The following CHST5 variants were observed in gnomAD, a reference collection of about 807,000 sequenced individuals.
The protein encoded by CHST5 is carbohydrate sulfotransferase 5, also known as GST4-alpha.
For synonymous variants in CHST5, 313 were observed against 279.2 expected, an observed-to-expected ratio of 1.12 and a Z score of -1.21; for missense variants, 637 against 602.1, an observed-to-expected ratio of 1.06 and a Z score of -0.61.
At position 75,528,590 on chromosome 16, in the gene CHST5, C is replaced by G. The variant is rs949522343; in HGVS notation, c.*559G>C. 6.6e-6 allele frequency: 1 copy of G among 152,260 alleles called. No individual in the cohort carries two copies. Among genetic ancestry groups the G allele is most frequent in the Admixed American group, 6.5e-5 (1 of 15,274 alleles). The allele number at this position is 152,260 out of a possible 1,614,324, so 9.4% of individuals were successfully genotyped here. On this transcript the variant is annotated 3_prime_UTR_variant, in exon 4 of 4. Transcript: ENST00000336257. ...TTTGATAGAGTCTTGCTCTGCCACC[C>G]AAGCTAGGGTGCAGTGGCATGATCT...
In CHST5 at chr16:75,531,186, A is replaced by G. The variant is rs1456518343; in HGVS notation, c.-802T>C. 1.7e-5 allele frequency: 9 copies of G among 545,136 alleles called. No individual in the cohort carries two copies. Among genetic ancestry groups the G allele is most frequent in the African/African-American group, 4.2e-5 (2 of 47,938 alleles). 33.8% of individuals were successfully genotyped at this position (545,136 alleles called of 1,614,324 possible). A position where few individuals can be genotyped will look rare whatever the true frequency, so the allele number is the denominator to read the frequency against. On this transcript the variant is annotated 5_prime_UTR_variant, in exon 4 of 4. Transcript: ENST00000336257. ...AAATACAAAAAATTAGCCAGGCGTG[A>G]TGGTGGGCGCCTGTAGTCCCAGCTA...
In CHST5 at chr16:75,529,903, G is replaced by C; in HGVS notation, c.482C>G (p.Pro161Arg). The change falls in exon 4 of 4, where the codon CCC becomes CGC. Residue 161 changes from proline to arginine, a missense_variant. By Grantham distance (103) the Pro-to-Arg change is moderately radical. Transcript: ENST00000336257. Reference protein sequence around the residue: ...LCSPPACSAFPRGTISKQDVC... With the variant: ...LCSPPACSAFRRGTISKQDVC... Reference sequence around the variant, plus strand: ...GTCCTGCTTGCTGATGGTGCCTCGGGGAAAGGCGCTGCAGGCGGGCGGCGA... The same window carrying C: ...GTCCTGCTTGCTGATGGTGCCTCGGCGAAAGGCGCTGCAGGCGGGCGGCGA... 1.9e-6 allele frequency: 3 copies of C among 1,613,460 alleles called. No individual in the cohort carries two copies. The highest frequency in any genetic ancestry group is 1.7e-6 in the Non-Finnish European group (2 of 1,179,944).
rs1262676716 is a variant in CHST5, at chr16:75,533,999, T to C, written c.-1351-816A>G. ...GGTTACAGTGGCCGAGATTGTGCCA[T>C]TGCACTCTAGCCTGGGCAACAGGAG... On this transcript the variant is annotated intron_variant, in intron 2 of 3. Transcript: ENST00000336257. 3.6e-5 allele frequency among the ~76,000 whole-genome samples: 5 copies of C among 137,784 alleles called. No individual in the cohort carries two copies. The East Asian group carries it at 6.7e-4, about 18-fold the overall frequency. 90.4% of individuals were successfully genotyped at this position (137,784 alleles called of 152,430 possible). A position where few individuals can be genotyped will look rare whatever the true frequency, so the allele number is the denominator to read the frequency against.
intron 3 of CHST5, 118 bp from the exon 4 acceptor site, chr16:75,531,758 G>A (rs2080524595): frequency 4.9e-6 from 3 of 611,056 alleles, no homozygotes; most frequent in South Asian, 1.7e-5. Context: ...AGGATAACTC[G>A]TAGAGAGACC....
chr16:75,534,281 G>A (rs1480747073), intron 2 of CHST5, among the ~76,000 whole-genome samples: 1 of 152,068 alleles, frequency 6.6e-6, no homozygotes, highest in East Asian at 1.9e-4. Context: ...AGATTACAGT[G>A]AGCCGAGATG....
chr16:75,532,946 C>T (rs150643330), intron 3 of CHST5, 143 bp downstream of exon 3: 3 of 546,166 alleles, frequency 5.5e-6, no homozygotes, highest in African/African-American at 3.8e-5. Flanking sequence ...ACTTCTGATC[C>T]CAGGCTGTGG....
Position 75,530,970 on chromosome 16 carries a change from G to T in CHST5, c.-586C>A, listed in dbSNP as rs367603058. ...ACACGCAGTCATGCCCATAACTGAGGATTGCACCTTTTACAAGGTGTGCTT... is the reference window on the plus strand; with the variant it reads ...ACACGCAGTCATGCCCATAACTGAGTATTGCACCTTTTACAAGGTGTGCTT... On this transcript the variant is annotated 5_prime_UTR_variant, in exon 4 of 4. Transcript: ENST00000336257. 2,417 of 1,002,484 alleles carry T rather than the reference G, an allele frequency of 2.4e-3. 6 individuals are homozygous for T. The highest frequency in any genetic ancestry group is 2.8e-3 in the Non-Finnish European group (2,307 of 831,550). 62.1% of individuals were successfully genotyped at this position (1,002,484 alleles called of 1,614,324 possible).
intron 2 of CHST5, among the ~76,000 whole-genome samples, 174 bp downstream of exon 2, chr16:75,534,953 C>A (rs912718944): frequency 6.6e-6 from 1 of 152,204 alleles, no homozygotes; most frequent in Non-Finnish European, 1.5e-5. Flanking sequence ...CAAACCAGCG[C>A]TAGCAGGGGA....
At position 75,529,679 on chromosome 16, in the gene CHST5, C is replaced by CTT. The variant is rs779279209; in HGVS notation, c.705_706insAA (p.Ala236LysfsTer29). 2.5e-6 allele frequency: 4 copies of CTT among 1,610,128 alleles called. No individual in the cohort carries two copies. The African/African-American group carries it at 5.3e-5, about 22-fold the overall frequency. ...TTGTCGCGTGCCAGTATCGGGCCCG[C>CTT]CGCCTCCCGGGAGCGCAGCACGGCC... On this transcript the variant is annotated frameshift_variant, in exon 4 of 4. Coordinates refer to ENST00000336257, the MANE Select transcript of CHST5 (RefSeq NM_024533.5). LOFTEE classifies it low-confidence loss of function (END_TRUNC).
In CHST5 at chr16:75,530,718, T is replaced by G; in HGVS notation, c.-334A>C. 1 of 1,094,830 alleles carries G rather than the reference T, an allele frequency of 9.1e-7. No individual in the cohort carries two copies. The highest frequency in any genetic ancestry group is 1.1e-6 in the Non-Finnish European group (1 of 889,934). The allele number at this position is 1,094,830 out of a possible 1,614,324, so 67.8% of individuals were successfully genotyped here. A position where few individuals can be genotyped will look rare whatever the true frequency, so the allele number is the denominator to read the frequency against. On this transcript the variant is annotated 5_prime_UTR_variant, in exon 4 of 4. Coordinates refer to ENST00000336257, the MANE Select transcript of CHST5 (RefSeq NM_024533.5). ...GAGAGACCCTTTTAGGTTGTGGAGCTAAAAGGGCTTGATGGGGGCTTCGGT... is the reference window on the plus strand; with the variant it reads ...GAGAGACCCTTTTAGGTTGTGGAGCGAAAAGGGCTTGATGGGGGCTTCGGT...
chr16:75,529,183 C>T lies in CHST5; in HGVS notation c.1202G>A (p.Gly401Asp), dbSNP rs533189787. 4 of 1,602,236 alleles carry T rather than the reference C, an allele frequency of 2.5e-6. No homozygotes were observed. In the South Asian group the frequency reaches 3.3e-5, roughly 13 times the overall value. ...DLTLDLVLPR[G>D]PDHFSWASPD ...CGATGCCCAGCTGAAGTGGTCTGGGCCTCGTGGCAGCACCAGATCCAGGGT... is the reference window on the plus strand; with the variant it reads ...CGATGCCCAGCTGAAGTGGTCTGGGTCTCGTGGCAGCACCAGATCCAGGGT... Residue 401 changes from glycine (G) to aspartate (D), a missense_variant, in exon 4 of 4, where the codon GGC becomes GAC. Coordinates refer to ENST00000336257, the MANE Select transcript of CHST5 (RefSeq NM_024533.5).
chr16:75,534,973 T>C (rs537421755), intron 2 of CHST5, among the ~76,000 whole-genome samples, 154 bp downstream of exon 2: 1 of 152,256 alleles, frequency 6.6e-6, no homozygotes, highest in South Asian at 2.1e-4. Context: ...AGATGAACTT[T>C]CCACGTTGCT....
chr16:75,531,966 G>A (rs1177818333), intron 3 of CHST5, among the ~76,000 whole-genome samples: 1 of 152,184 alleles, frequency 6.6e-6, no homozygotes, highest in Non-Finnish European at 1.5e-5. Flanking sequence ...GAGACCTGGG[G>A]CAAGTGACTT....
At chr16:75,533,542 G>C (rs2080540299) in intron 2 of CHST5, among the ~76,000 whole-genome samples, 1 of 152,052 alleles carries the variant, frequency 6.6e-6, no homozygotes, top group African/African-American at 2.4e-5. Context: ...ATTCTTTTCT[G>C]GGGGCACATA....
Position 75,529,895 on chromosome 16 carries a change from T to C in CHST5, c.490A>G (p.Thr164Ala), listed in dbSNP as rs2937026. 8 of 1,613,290 alleles carry C rather than the reference T, an allele frequency of 5.0e-6. No homozygotes were observed. Among genetic ancestry groups the C allele is most frequent in the African/African-American group, 1.3e-5 (1 of 74,898 alleles). The change falls in exon 4 of 4, where the codon ACC (threonine) becomes GCC (alanine). Residue 164 changes from threonine (T) to alanine (A), a missense_variant. Coordinates refer to ENST00000336257, the MANE Select transcript of CHST5 (RefSeq NM_024533.5). ...PPACSAFPRG[T>A]ISKQDVCKTL... ...TTGCATACGTCCTGCTTGCTGATGG[T>C]GCCTCGGGGAAAGGCGCTGCAGGCG...
At chr16:75,534,496 T>C (rs1310828627) in intron 2 of CHST5, among the ~76,000 whole-genome samples, 1 of 151,940 alleles carries the variant, frequency 6.6e-6, no homozygotes, top group Non-Finnish European at 1.5e-5. Flanking sequence ...ATACAAAAAT[T>C]AGCTGGGTGT....
chr16:75,529,665 C>T lies in CHST5; in HGVS notation c.720G>A (p.Leu240=), dbSNP rs2080496092. 2.5e-6 allele frequency: 4 copies of T among 1,610,590 alleles called. No homozygotes were observed. The highest frequency in any genetic ancestry group is 3.4e-6 in the Non-Finnish European group (4 of 1,178,528). ...CCAGCACGATGCCGTTGTCGCGTGCCAGTATCGGGCCCGCCGCCTCCCGGG... is the reference window on the plus strand; with the variant it reads ...CCAGCACGATGCCGTTGTCGCGTGCTAGTATCGGGCCCGCCGCCTCCCGGG... The part of the protein sequence containing the change: ...LRSREAAGPI[L]ARDNGIVLGT... Residue 240 remains leucine (L), a synonymous_variant, in exon 4 of 4, where the codon CTG becomes CTA. Coordinates refer to ENST00000336257, the MANE Select transcript of CHST5 (RefSeq NM_024533.5).
chr16:75,532,334 G>A (rs1278350623), intron 3 of CHST5, among the ~76,000 whole-genome samples: 2 of 152,144 alleles, frequency 1.3e-5, no homozygotes, highest in Non-Finnish European at 2.9e-5. Flanking sequence ...CCAGCCTCCC[G>A]CATTCCAAGG....
chr16:75,534,970 C>T (rs1377590838), intron 2 of CHST5, among the ~76,000 whole-genome samples, 157 bp downstream of exon 2: 1 of 152,214 alleles, frequency 6.6e-6, no homozygotes, highest in African/African-American at 2.4e-5. Context: ...GGGAGATGAA[C>T]TTTCCACGTT....
Sources: gnomAD v4.1 joint callset for allele counts (sites outside exome capture counted in the v4.1 genomes callset) on GRCh38, gnomAD v4.1.1 for gene constraint, MANE v1.5 for transcripts, NCBI Gene and HGNC (gene_info 2026-07-23, HGNC 2026-07-21) for gene names.